The following NLRP8 variants were observed in gnomAD, a reference collection of about 807,000 sequenced individuals.
NLRP8 encodes the protein NLR family pyrin domain containing 8, also known as NACHT, LRR and PYD domains-containing protein 8.
Under a neutral mutation model 88.7 loss-of-function variants are expected in NLRP8, and 86 were observed. The observed-to-expected ratio is 0.97, with a 90% CI of 0.81 to 1.16. The LOEUF (loss-of-function observed/expected upper bound fraction) is 1.16. NLRP8 is among the 50% of genes most tolerant of loss of function. The pLI, the probability that NLRP8 is intolerant of heterozygous loss-of-function variation, is 0.00. For synonymous variants in NLRP8, 504 were observed against 494.6 expected (o/e 1.02, Z -0.25); for missense variants, 1,342 against 1,286.5 (o/e 1.04, Z -0.66).
At chr19:55,977,291 C>A (rs1021616194) in intron 8 of NLRP8, among the ~76,000 whole-genome samples, 4 of 143,584 alleles carry the variant, frequency 2.8e-5, no homozygotes, top group African/African-American at 1.0e-4. Flanking sequence ...CACATATATA[C>A]TTATTTTATA....
intron 6 of NLRP8, among the ~76,000 whole-genome samples, chr19:55,971,729 A>C (rs1980083747): frequency 6.6e-6 from 1 of 152,068 alleles, no homozygotes; most frequent in Non-Finnish European, 1.5e-5. Flanking sequence ...GTGAGTGTTC[A>C]TCTTCAGTTT....
rs1480707428 is a variant in NLRP8, at chr19:55,972,799, GTGTGTGTGTA to G, written c.2535-843_2535-834del. 3.3e-4 allele frequency among the ~76,000 whole-genome samples: 26 copies of G among 78,598 alleles called. 1 individual carries two copies. Among genetic ancestry groups the G allele is most frequent in the Admixed American group, 1.7e-3 (11 of 6,530 alleles). 51.6% of individuals were successfully genotyped at this position (78,598 alleles called of 152,430 possible). On this transcript the variant is annotated intron_variant, in intron 6 of 9. Coordinates refer to ENST00000291971, the MANE Select transcript of NLRP8 (RefSeq NM_176811.2). ...CTGAGTAGTATTCCATGGTGTGTGT[GTGTGTGTGTA>G]TGTGTGTGTGTGTGTGTGTGTGTGT...
In NLRP8 at chr19:55,987,807, C is replaced by T. The variant is rs183321133; in HGVS notation, c.3048-7C>T. ...TCAACCAGCAGCCTTCCTTTACCTC[C>T]CTCCAGCTGTATTCCTGCCTGGACT... On this transcript the variant is annotated splice_polypyrimidine_tract_variant and splice_region_variant and intron_variant, in intron 9 of 9. Coordinates refer to ENST00000291971, the MANE Select transcript of NLRP8 (RefSeq NM_176811.2). 6.2e-7 allele frequency: 1 copy of T among 1,608,246 alleles called. No homozygotes were observed. The highest frequency in any genetic ancestry group is 1.3e-5 in the African/African-American group (1 of 74,902).
chr19:55,962,309 C>G (rs1055032502), intron 4 of NLRP8, 72 bp downstream of exon 4: 3 of 1,464,340 alleles, frequency 2.0e-6, no homozygotes. Flanking sequence ...TTTCTTCATT[C>G]CCTCTCCACT....
rs564440073 is a variant in NLRP8 at position 55,976,063 on chromosome 19, C to T, written c.2706-70C>T. 310 of 1,305,122 alleles carry T rather than the reference C, an allele frequency of 2.4e-4. 4 individuals carry two copies. In the South Asian group the frequency reaches 4.0e-3, roughly 17 times the overall value. The allele number at this position is 1,305,122 out of a possible 1,614,324, so 80.8% of individuals were successfully genotyped here. On this transcript the variant is annotated intron_variant, in intron 7 of 9. Coordinates refer to ENST00000291971, the MANE Select transcript of NLRP8 (RefSeq NM_176811.2). ...AAGAAGTAAAACCTAAGGGTGTTTT[C>T]GTTGTTGTTGTTGTTGTTGTTTTGT...
At position 55,963,626 on chromosome 19, in the gene NLRP8, T is replaced by C. The variant is rs1212004376; in HGVS notation, c.2213+1389T>C. Among the ~76,000 whole-genome samples the C allele has an allele frequency of 2.0e-5, 3 of 152,042 alleles. No individual in the cohort carries two copies. The East Asian group carries it at 5.8e-4, about 29-fold the overall frequency. ...GTACAGTGGCATGATCATGGCTTAC[T>C]GCAACCTTGACCTCCTGAGCTCAAG... On this transcript the variant is annotated intron_variant, in intron 4 of 9. Coordinates refer to ENST00000291971, the MANE Select transcript of NLRP8 (RefSeq NM_176811.2).
In NLRP8 at chr19:55,948,285, G is replaced by A. The variant is rs1435078851; in HGVS notation, c.367+16G>A. The stretch of plus-strand genomic sequence containing the variant: ...GAGATAAATGGTGAGTGTTGATCTG[G>A]TGGATAAAGTGGGGGTGGGCTTGGC... On this transcript the variant is annotated intron_variant, in intron 1 of 9. Coordinates refer to ENST00000291971, the MANE Select transcript of NLRP8 (RefSeq NM_176811.2). 1.9e-6 allele frequency: 3 copies of A among 1,593,712 alleles called. No homozygotes were observed. Among genetic ancestry groups the A allele is most frequent in the Non-Finnish European group, 2.6e-6 (3 of 1,165,926 alleles).
chr19:55,957,722 TATAA>T (rs1979442065), intron 3 of NLRP8, among the ~76,000 whole-genome samples: 22 of 91,694 alleles, frequency 2.4e-4, no homozygotes, highest in Admixed American at 5.9e-4. Context: ...TATATATATA[TATAA>T]AATAAGGTTG....
In NLRP8 at chr19:55,988,074, G is replaced by A; in HGVS notation, c.*161G>A. 3 of 609,090 alleles carry A rather than the reference G, an allele frequency of 4.9e-6. No homozygotes were observed. Among genetic ancestry groups the A allele is most frequent in the Non-Finnish European group, 6.0e-6 (2 of 334,964 alleles). The allele number at this position is 609,090 out of a possible 1,614,324, so 37.7% of individuals were successfully genotyped here. A position where few individuals can be genotyped will look rare whatever the true frequency, so the allele number is the denominator to read the frequency against. On this transcript the variant is annotated 3_prime_UTR_variant, in exon 10 of 10. Coordinates refer to ENST00000291971, the MANE Select transcript of NLRP8 (RefSeq NM_176811.2). ...CCTCAGCTTTGAACCCTGGAGTGAG[G>A]ACGGTGATGCCCTGTGTGTATTAAT...
At chr19:55,979,606 A>G (rs1046069341) in intron 9 of NLRP8, 42 bp downstream of exon 9, 2 of 1,607,120 alleles carry the variant, frequency 1.2e-6, no homozygotes. Context: ...CTACCACACA[A>G]GAGAAGCTCC....
chr19:55,978,170 C>A (rs1227623216), intron 8 of NLRP8, among the ~76,000 whole-genome samples: 1 of 151,882 alleles, frequency 6.6e-6, no homozygotes, highest in Non-Finnish European at 1.5e-5. Context: ...CCACCTGTCC[C>A]CTTTGGGTTT....
intron 1 of NLRP8, among the ~76,000 whole-genome samples, chr19:55,949,501 G>C (rs983795362): frequency 3.3e-5 from 5 of 152,252 alleles, no homozygotes; most frequent in Middle Eastern, 3.4e-3. Flanking sequence ...GCCTCCCAAA[G>C]TGCTGGAATT....
At position 55,955,265 on chromosome 19, in the gene NLRP8, T is replaced by C. The variant is rs201042186; in HGVS notation, c.1207T>C (p.Cys403Arg). ...GGTCCCTGTGGTTTGCTGGATGGTC[T>C]GCTCTGGTCTGAAACAGCAAATGGA... Residue 403 changes from cysteine to arginine, a missense_variant, in exon 3 of 10, where the codon TGC becomes CGC. Coordinates refer to ENST00000291971, the MANE Select transcript of NLRP8 (RefSeq NM_176811.2). 3.1e-4 allele frequency: 505 copies of C among 1,614,112 alleles called. No homozygotes were observed. The highest frequency in any genetic ancestry group is 4.1e-4 in the Non-Finnish European group (480 of 1,180,054).
rs1314806095 is a variant in NLRP8, at chr19:55,987,890, T to C, written c.3124T>C (p.Cys1042Arg). The change falls in exon 10 of 10, where the codon TGC becomes CGC. Residue 1042 changes from cysteine to arginine, a missense_variant. Physicochemically the swap from Cys to Arg is radical, Grantham distance 180. Transcript: ENST00000291971. ...ACCCGACTTCACGGGAAAAAGTGAC[T>C]GCCTATCCCAGATTAATCCTTAGGC... The C allele has an allele frequency of 6.2e-7, 1 of 1,613,842 alleles. No homozygotes were observed. The highest frequency in any genetic ancestry group is 8.5e-7 in the Non-Finnish European group (1 of 1,179,748).
rs138032062 is a variant in NLRP8, at chr19:55,970,625, C to T, written c.2463C>T (p.Leu821=). 146 of 1,614,082 alleles carry T rather than the reference C, an allele frequency of 9.0e-5. 2 individuals carry two copies. The African/African-American group carries it at 1.9e-3, about 21-fold the overall frequency. Residue 821 remains leucine (L), a synonymous_variant, in exon 6 of 10, where the codon CTC becomes CTT. Coordinates refer to ENST00000291971, the MANE Select transcript of NLRP8 (RefSeq NM_176811.2). ...AAGGTAACGGGCATCTAAAGACTCT[C>T]ATACTAAGAAAAAACTCCCTGGAGA... is the stretch of plus-strand genomic sequence containing the variant.
rs774353302 is a variant in NLRP8, at chr19:55,955,327, C to T, written c.1269C>T (p.Ala423=). 1 of 1,614,148 alleles carries T rather than the reference C, an allele frequency of 6.2e-7. No individual in the cohort carries two copies. The highest frequency in any genetic ancestry group is 1.7e-5 in the Admixed American group (1 of 60,014). ...ATCTCACACAGTCATGTCCAAATGC[C>T]ACCTCTGTGTTCGTCCGGTATATTT... is the stretch of plus-strand genomic sequence containing the variant. The change falls in exon 3 of 10, where the codon GCC becomes GCT. Residue 423 remains alanine (A), a synonymous_variant. Transcript: ENST00000291971.
rs1278987968 is a variant in NLRP8 at position 55,955,393 on chromosome 19, G to C, written c.1335G>C (p.Lys445Asn). ...CCAGAGCTGAGAACTTTTCCAGAAA[G>C]ATCCACCAAGCACAACTGGAAGGTC... The change falls in exon 3 of 10, where the codon AAG (lysine) becomes AAC (asparagine). Residue 445 changes from lysine (K) to asparagine (N), a missense_variant. By Grantham distance (94) the Lys-to-Asn change is moderately conservative. Transcript: ENST00000291971. 5 of 1,614,176 alleles carry C rather than the reference G, an allele frequency of 3.1e-6. No individual in the cohort carries two copies. The highest frequency in any genetic ancestry group is 1.6e-4 in the Middle Eastern group (1 of 6,062).
At chr19:55,971,796 T>C (rs954048412) in intron 6 of NLRP8, among the ~76,000 whole-genome samples, 7 of 152,146 alleles carry the variant, frequency 4.6e-5, no homozygotes, top group Non-Finnish European at 8.8e-5. Flanking sequence ...ATGAAGGTGC[T>C]CCTAACTCCA....
rs1198791398 is a variant in NLRP8 at position 55,976,434 on chromosome 19, C to CT, written c.2876+132dup. 6 of 780,054 alleles carry CT rather than the reference C, an allele frequency of 7.7e-6. No individual in the cohort carries two copies. The East Asian group carries it at 1.9e-4, about 25-fold the overall frequency. The allele number at this position is 780,054 out of a possible 1,614,324, so 48.3% of individuals were successfully genotyped here. On this transcript the variant is annotated intron_variant, in intron 8 of 9. Transcript: ENST00000291971. ...TTGTTCCCTCCATTGAATTGGAGAA[C>CT]TGGGAAGCTTCTGAGCCGTGGTTCT...
Sources: allele counts gnomAD v4.1 joint callset (sites outside exome capture counted in the v4.1 genomes callset), GRCh38; gene constraint gnomAD v4.1.1; transcripts MANE v1.5; gene names NCBI Gene and HGNC (gene_info 2026-07-23, HGNC 2026-07-21).